MYOM1: variants seen among roughly 807,000 people sequenced by gnomAD.
MYOM1 encodes myomesin-1.
In MYOM1, 164 loss-of-function variants were observed where a neutral mutation model predicts 205.3. That is an observed-to-expected ratio of 0.80 (90% CI 0.70 to 0.91). MYOM1 has a LOEUF of 0.91. MYOM1 is among the 40% of genes least tolerant of loss of function. The pLI is 0.00. For synonymous variants in MYOM1, 772 were observed against 789.4 expected (o/e 0.98, Z 0.37); for missense variants, 2,011 against 2,127.3 (o/e 0.95, Z 1.08).
chr18:3,107,125 CT>C (rs925817692), intron 22 of MYOM1, among the ~76,000 whole-genome samples: 9 of 149,744 alleles, frequency 6.0e-5, no homozygotes, highest in African/African-American at 9.8e-5. Flanking sequence ...TTAAAAATTT[CT>C]TTTTTTTTTG....
intron 13 of MYOM1, among the ~76,000 whole-genome samples, chr18:3,143,501 A>C (rs1323058000): frequency 2.6e-5 from 4 of 152,232 alleles, no homozygotes; most frequent in African/African-American, 9.6e-5. Context: ...CTGAAAGATA[A>C]TTGACCACAG....
intron 37 of MYOM1, 115 bp downstream of exon 37, chr18:3,071,719 A>G: frequency 1.0e-6 from 1 of 975,548 alleles, no homozygotes; most frequent in Non-Finnish European, 1.6e-6. Flanking sequence ...GCAGCTATGG[A>G]GTACGATGAA....
chr18:3,091,771 G>A (rs1052288357), intron 26 of MYOM1, among the ~76,000 whole-genome samples: 6 of 151,782 alleles, frequency 4.0e-5, no homozygotes, highest in African/African-American at 1.5e-4. Flanking sequence ...TTGTTCTGTC[G>A]CCCAGGCTGG....
chr18:3,136,086 T>C (rs1462229903), intron 14 of MYOM1, among the ~76,000 whole-genome samples: 2 of 150,580 alleles, frequency 1.3e-5, no homozygotes, highest in Non-Finnish European at 2.9e-5. Flanking sequence ...GAGCTGATGG[T>C]TTTATAAGGA....
chr18:3,126,815 C>T lies in MYOM1; in HGVS notation c.2877G>A (p.Lys959=), dbSNP rs755157204. The T allele has an allele frequency of 3.7e-6, 6 of 1,613,666 alleles. No homozygotes were observed. The Admixed American group carries it at 5.0e-5, about 13-fold the overall frequency. The change falls in exon 19 of 38, where the codon AAG becomes AAA. Residue 959 remains lysine (K), a synonymous_variant. Transcript: ENST00000356443. ...SMVLGWKQPD[K]IGGAEITGYY... is the part of the protein sequence containing the mutation. Reference sequence around the variant, plus strand: ...AGCCAGTAATTTCTGCCCCTCCAATCTTATCTGGTTGCTTCCATCCAAGAA... The same window carrying T: ...AGCCAGTAATTTCTGCCCCTCCAATTTTATCTGGTTGCTTCCATCCAAGAA...
chr18:3,217,802 G>A (rs59778902), intron 1 of MYOM1, among the ~76,000 whole-genome samples: 22,961 of 151,964 alleles, frequency 0.15, 1,939 homozygotes, highest in East Asian at 0.3. Flanking sequence ...GGGCAACGTG[G>A]TGAGACCTTG....
chr18:3,194,942 C>T (rs1279786217), intron 2 of MYOM1, among the ~76,000 whole-genome samples: 1 of 151,442 alleles, frequency 6.6e-6, no homozygotes, highest in Non-Finnish European at 1.5e-5. Flanking sequence ...TTTTTAAGAG[C>T]CCCCGTCTAG....
intron 2 of MYOM1, among the ~76,000 whole-genome samples, chr18:3,211,162 T>C (rs574155835): frequency 6.6e-6 from 1 of 152,352 alleles, no homozygotes; most frequent in East Asian, 1.9e-4. Flanking sequence ...ACATTCTTTT[T>C]AAATTATTTT....
chr18:3,117,842 T>C (rs965565721), intron 20 of MYOM1, among the ~76,000 whole-genome samples: 7 of 152,172 alleles, frequency 4.6e-5, no homozygotes, highest in African/African-American at 1.7e-4. Flanking sequence ...GCTACAAATA[T>C]GCGTCATGCT....
chr18:3,181,490 G>T (rs1330476884), intron 5 of MYOM1, among the ~76,000 whole-genome samples: 4 of 152,218 alleles, frequency 2.6e-5, no homozygotes, highest in African/African-American at 9.6e-5. Context: ...TTTTTTCTAT[G>T]ATAATATGGT....
chr18:3,201,449 C>T (rs1020024399), intron 2 of MYOM1, among the ~76,000 whole-genome samples: 16 of 151,212 alleles, frequency 1.1e-4, no homozygotes, highest in Non-Finnish European at 1.6e-4. Flanking sequence ...GTAATTTAAA[C>T]CCACACGAAA....
chr18:3,177,215 G>C (rs539129328), intron 5 of MYOM1, among the ~76,000 whole-genome samples: 2 of 152,024 alleles, frequency 1.3e-5, no homozygotes, highest in South Asian at 4.2e-4. Context: ...CTCCAGCCTG[G>C]GCAACAGAGT....
chr18:3,089,331 T>C, intron 28 of MYOM1, 90 bp from the exon 29 acceptor site: 1 of 1,036,244 alleles, frequency 9.7e-7, no homozygotes, highest in Middle Eastern at 2.2e-4. Flanking sequence ...GATTTACATC[T>C]GAAGTCAGAT....
Position 3,135,845 on chromosome 18 carries a change from G to A in MYOM1, c.2026-115C>T, listed in dbSNP as rs946204830. On this transcript the variant is annotated intron_variant, in intron 14 of 37. Coordinates refer to ENST00000356443, the MANE Select transcript of MYOM1 (RefSeq NM_003803.4). The surrounding 1 kb of genome is among the most constrained non-coding windows in gnomAD (Gnocchi z 4.1). ...CAAACCACTCCCTGTAATGCAAGCT[G>A]GACTGGAGGAGAGATGAGGAGGAAA... The A allele has an allele frequency of 1.4e-5, 16 of 1,111,994 alleles. No individual in the cohort carries two copies. In the African/African-American group the frequency reaches 2.3e-4, roughly 16 times the overall value. The allele number at this position is 1,111,994 out of a possible 1,614,324, so 68.9% of individuals were successfully genotyped here. A position where few individuals can be genotyped will look rare whatever the true frequency, so the allele number is the denominator to read the frequency against.
the MYOM1 span, among the ~76,000 whole-genome samples, chr18:3,244,102 G>A: frequency 2.0e-5 from 3 of 152,114 alleles, no homozygotes; most frequent in Non-Finnish European, 4.4e-5. Flanking sequence ...GTCGAGGGCC[G>A]TCCTGTGCAT....
At chr18:3,109,957 C>A (rs1476103961) in intron 22 of MYOM1, among the ~76,000 whole-genome samples, 1 of 151,982 alleles carries the variant, frequency 6.6e-6, no homozygotes, top group East Asian at 1.9e-4. Flanking sequence ...CTCCTGGTAT[C>A]CTAATGGGTT....
chr18:3,129,747 GAACA>G (rs1326155951), intron 17 of MYOM1, among the ~76,000 whole-genome samples: 3 of 152,140 alleles, frequency 2.0e-5, no homozygotes, highest in Non-Finnish European at 4.4e-5. Flanking sequence ...GAAGAAATGA[GAACA>G]AAGAAGCCAA....
intron 3 of MYOM1, among the ~76,000 whole-genome samples, chr18:3,190,186 G>A (rs1340506112): frequency 2.0e-5 from 3 of 152,118 alleles, no homozygotes; most frequent in East Asian, 1.9e-4. Context: ...TATTCATGTC[G>A]TTTAAAAATA....
intron 25 of MYOM1, among the ~76,000 whole-genome samples, chr18:3,095,658 T>A (rs1173003461): frequency 6.6e-6 from 1 of 152,202 alleles, no homozygotes; most frequent in African/African-American, 2.4e-5. Context: ...AGGTTGGTTA[T>A]CTTCCTCCCC....
Sources: gnomAD v4.1 joint callset for allele counts (sites outside exome capture counted in the v4.1 genomes callset) on GRCh38, gnomAD v4.1.1 for gene constraint, Gnocchi (gnomAD v3.1) non-coding constraint, MANE v1.5 for transcripts, NCBI Gene and HGNC (gene_info 2026-07-23, HGNC 2026-07-21) for gene names.